The following SMURF1 variants were observed in gnomAD, a reference collection of about 807,000 sequenced individuals.
The protein encoded by SMURF1 is E3 ubiquitin-protein ligase SMURF1.
SMURF1 carries 44 observed loss-of-function variants against 98.0 expected under a neutral mutation model. The ratio of observed to expected loss-of-function variants is 0.45; its 90% confidence interval spans 0.35 to 0.58. The LOEUF (loss-of-function observed/expected upper bound fraction) is 0.58, where lower values mean the gene tolerates loss of function less well. Among genes scored for constraint, SMURF1 ranks in the 20% least tolerant of loss-of-function variants. The pLI, the probability that SMURF1 is intolerant of heterozygous loss-of-function variation, is 0.00. For synonymous variants in SMURF1, 396 were observed against 374.9 expected (o/e 1.06, Z -0.65); for missense variants, 687 against 938.4 (o/e 0.73, Z 3.50).
intron 13 of SMURF1, among the ~76,000 whole-genome samples, chr7:99,039,708 C>G (rs1006095410): frequency 6.6e-6 from 1 of 152,140 alleles, no homozygotes; most frequent in African/African-American, 2.4e-5. Context: ...GTCCCCTGTT[C>G]AAGTTGGAAC....
In SMURF1 at chr7:99,067,274, G is replaced by A. The variant is rs144107766; in HGVS notation, c.56-5437C>T. ...GCCTCCCAAAGTGCTGGGATTACAG[G>A]TGTGAGCCACCATGCCCAGGCTTAG... On this transcript the variant is annotated intron_variant, in intron 1 of 17. Coordinates refer to ENST00000361368, the MANE Select transcript of SMURF1 (RefSeq NM_181349.3). Among the ~76,000 whole-genome samples, 621 of 151,696 alleles carry A rather than the reference G, an allele frequency of 4.1e-3. 2 individuals carry two copies. The highest frequency in any genetic ancestry group is 0.013 in the African/African-American group (544 of 41,358).
chr7:99,122,745 C>A (rs1475055378), intron 1 of SMURF1, among the ~76,000 whole-genome samples: 1 of 112,400 alleles, frequency 8.9e-6, no homozygotes. Context: ...TTCTTTCTTT[C>A]TTTTTTTTTT....
Position 99,047,737 on chromosome 7 carries a change from G to A in SMURF1, c.1099C>T (p.Gln367Ter). 6.2e-7 allele frequency: 1 copy of A among 1,614,244 alleles called. No homozygotes were observed. Residue 367 changes from glutamine (Q) to a stop codon, truncating the protein, a stop_gained, in exon 10 of 18, where the codon CAG becomes TAG. Transcript: ENST00000361368. LOFTEE classifies it high-confidence loss of function. Reference protein sequence around the residue: ...KVLRHELSLQQPQAGHCRIEV... With the variant: ...KVLRHELSLQ Reference sequence around the variant, plus strand: ...ATGCGGCAATGACCAGCTTGGGGCTGCTGAAGCGACAGTTCGTGTCTGAGG... The same window carrying A: ...ATGCGGCAATGACCAGCTTGGGGCTACTGAAGCGACAGTTCGTGTCTGAGG...
intron 15 of SMURF1, chr7:99,036,148 G>A (rs957613478): frequency 9.6e-6 from 2 of 208,744 alleles, no homozygotes; most frequent in African/African-American, 4.7e-5. Context: ...GTGGGGCTGG[G>A]GCCGATAGGG....
At chr7:99,066,913 T>C (rs1438618785) in intron 1 of SMURF1, among the ~76,000 whole-genome samples, 1 of 152,032 alleles carries the variant, frequency 6.6e-6, no homozygotes, top group Non-Finnish European at 1.5e-5. Context: ...GATCAGGACA[T>C]GGAATTTGGT....
chr7:99,134,426 A>G (rs1038668117), intron 1 of SMURF1, among the ~76,000 whole-genome samples: 1 of 152,222 alleles, frequency 6.6e-6, no homozygotes, highest in African/African-American at 2.4e-5. Context: ...AGGTATGAAC[A>G]GGCAGCAAGC....
At chr7:99,048,600 AATCTCATGAT>A (rs1269792393) in intron 9 of SMURF1, 2 of 152,302 alleles carry the variant, frequency 1.3e-5, no homozygotes, top group African/African-American at 4.8e-5. Context: ...ACTCAAATGA[AATCTCATGAT>A]AGGCACAACA....
intron 1 of SMURF1, among the ~76,000 whole-genome samples, chr7:99,071,563 G>C (rs188630253): frequency 7.9e-5 from 12 of 152,286 alleles, no homozygotes; most frequent in Admixed American, 2.0e-4. Context: ...TGAAGTAGGA[G>C]CTCTTCCTGG....
intron 1 of SMURF1, among the ~76,000 whole-genome samples, chr7:99,097,639 T>G (rs1796985274): frequency 6.6e-6 from 1 of 152,124 alleles, no homozygotes. Flanking sequence ...CTGTAAGAAA[T>G]AAACTTCTTT....
intron 3 of SMURF1, among the ~76,000 whole-genome samples, chr7:99,059,377 G>A (rs1254809006): frequency 4.5e-5 from 6 of 132,548 alleles, no homozygotes; most frequent in Admixed American, 7.8e-5. Context: ...CAGCCTGGGC[G>A]ACAGAGCAAG....
chr7:99,105,727 T>C (rs902280612), intron 1 of SMURF1, among the ~76,000 whole-genome samples: 2 of 152,194 alleles, frequency 1.3e-5, no homozygotes, highest in Non-Finnish European at 2.9e-5. Context: ...TGCATTCTAC[T>C]CATATATTAA....
intron 1 of SMURF1, among the ~76,000 whole-genome samples, chr7:99,119,059 G>A (rs547096265): frequency 3.0e-5 from 3 of 100,606 alleles, no homozygotes; most frequent in South Asian, 3.5e-4. Flanking sequence ...ACAGGGTCTC[G>A]CTATTTTGCC....
chr7:99,086,281 AG>A (rs1563022467), intron 1 of SMURF1, among the ~76,000 whole-genome samples: 2 of 151,930 alleles, frequency 1.3e-5, no homozygotes, highest in Non-Finnish European at 2.9e-5. Context: ...GGGAGACGGA[AG>A]TTTCATTGAG....
intron 1 of SMURF1, among the ~76,000 whole-genome samples, chr7:99,112,315 CAA>C (rs1797343016): frequency 6.6e-6 from 1 of 152,196 alleles, no homozygotes; most frequent in African/African-American, 2.4e-5. Flanking sequence ...AGCCCATCTG[CAA>C]AGACTGGGGG....
At chr7:99,069,164 A>G (rs1286569300) in intron 1 of SMURF1, among the ~76,000 whole-genome samples, 1 of 152,146 alleles carries the variant, frequency 6.6e-6, no homozygotes, top group Non-Finnish European at 1.5e-5. Flanking sequence ...ACTGGGCAAT[A>G]TTATACTGAT....
chr7:99,064,215 T>C (rs1796135188), intron 1 of SMURF1, among the ~76,000 whole-genome samples: 1 of 152,234 alleles, frequency 6.6e-6, no homozygotes, highest in African/African-American at 2.4e-5. Flanking sequence ...TAAGGGATAT[T>C]GGTTTGTATT....
chr7:99,138,526 G>A (rs1010235602), intron 1 of SMURF1, among the ~76,000 whole-genome samples: 4 of 152,086 alleles, frequency 2.6e-5, no homozygotes, highest in Admixed American at 2.0e-4. Flanking sequence ...AAATGAAAAT[G>A]TGTGGAAGAG....
chr7:99,051,690 G>C (rs909017590), intron 7 of SMURF1, among the ~76,000 whole-genome samples: 2 of 152,106 alleles, frequency 1.3e-5, no homozygotes, highest in African/African-American at 4.8e-5. Flanking sequence ...GTGTTCGTTT[G>C]CCTAAGATTT....
chr7:99,139,892 T>G (rs1164667923), intron 1 of SMURF1, among the ~76,000 whole-genome samples: 1 of 152,136 alleles, frequency 6.6e-6, no homozygotes, highest in Non-Finnish European at 1.5e-5. Flanking sequence ...CAATCCCACA[T>G]GAAGAAATAA....
Sources: gnomAD v4.1 joint callset for allele counts (sites outside exome capture counted in the v4.1 genomes callset) on GRCh38, gnomAD v4.1.1 for gene constraint, MANE v1.5 for transcripts, NCBI Gene and HGNC (gene_info 2026-07-23, HGNC 2026-07-21) for gene names.